The following NPAS3 variants were observed in gnomAD, a reference collection of about 807,000 sequenced individuals.
NPAS3 encodes neuronal PAS domain-containing protein 3.
NPAS3 carries 14 observed loss-of-function variants against 73.1 expected under a neutral mutation model. That is an observed-to-expected ratio of 0.19 (90% CI 0.13 to 0.30). The LOEUF (loss-of-function observed/expected upper bound fraction) is 0.30, where lower values mean the gene tolerates loss of function less well. NPAS3 is among the 10% of genes least tolerant of loss of function. The probability of loss-of-function intolerance (pLI) is 1.00; values close to 1 mark genes in which losing one functional copy is unlikely to be tolerated. For synonymous variants in NPAS3, 620 were observed against 541.5 expected (o/e 1.14, Z -2.01); for missense variants, 1,096 against 1,250.0 (o/e 0.88, Z 1.86).
At chr14:33,292,953 T>C (rs2042159257) in intron 3 of NPAS3, among the ~76,000 whole-genome samples, 1 of 152,182 alleles carries the variant, frequency 6.6e-6, no homozygotes, top group South Asian at 2.1e-4. Context: ...GTATTCAAGT[T>C]GCACAGGTAT....
intron 2 of NPAS3, among the ~76,000 whole-genome samples, chr14:33,152,807 C>T (rs2044499510): frequency 1.3e-5 from 2 of 151,258 alleles, no homozygotes. Context: ...TACTTTCATT[C>T]AATGTGTTGG....
intron 1 of NPAS3, among the ~76,000 whole-genome samples, 184 bp downstream of exon 1, chr14:32,939,550 A>T (rs530594439): frequency 2.6e-3 from 344 of 133,374 alleles, no homozygotes; most frequent in African/African-American, 7.9e-3. Flanking sequence ...TGCGGCAGCG[A>T]GAGGCTCTGG....
At chr14:33,470,481 C>T (rs940262422) in intron 4 of NPAS3, among the ~76,000 whole-genome samples, 1 of 152,022 alleles carries the variant, frequency 6.6e-6, no homozygotes. Flanking sequence ...AATAACTGTC[C>T]AAAGAATCAA....
intron 2 of NPAS3, among the ~76,000 whole-genome samples, chr14:33,099,926 C>T (rs1473289784): frequency 6.6e-6 from 1 of 152,070 alleles, no homozygotes; most frequent in Non-Finnish European, 1.5e-5. Context: ...AAATAATCCA[C>T]TAAAGAAATG....
At chr14:33,751,186 G>A (rs928023549) in intron 7 of NPAS3, among the ~76,000 whole-genome samples, 2 of 152,178 alleles carry the variant, frequency 1.3e-5, no homozygotes, top group Non-Finnish European at 2.9e-5. Context: ...AGTGTTTCAT[G>A]TCAACAAAAT....
intron 7 of NPAS3, among the ~76,000 whole-genome samples, chr14:33,740,069 T>C (rs12880943): frequency 0.093 from 14,206 of 152,256 alleles, 900 homozygotes; most frequent in Middle Eastern, 0.16. Context: ...TTTTCTTACC[T>C]GTAAAATGAA....
intron 5 of NPAS3, among the ~76,000 whole-genome samples, chr14:33,643,328 C>CCAA (rs1279459906): frequency 2.7e-5 from 4 of 145,658 alleles, no homozygotes; most frequent in Non-Finnish European, 4.5e-5. Flanking sequence ...CTGTAAAACA[C>CCAA]CAACACCCCA....
intron 5 of NPAS3, among the ~76,000 whole-genome samples, chr14:33,672,407 C>T (rs1204064081): frequency 6.6e-6 from 1 of 152,148 alleles, no homozygotes; most frequent in East Asian, 1.9e-4. Flanking sequence ...AATATCCGTT[C>T]TTTATTCATT....
intron 4 of NPAS3, among the ~76,000 whole-genome samples, chr14:33,478,343 T>C (rs1229949691): frequency 6.6e-6 from 1 of 152,180 alleles, no homozygotes; most frequent in Non-Finnish European, 1.5e-5. Flanking sequence ...CATAAAATGC[T>C]ACAATGCAGA....
chr14:33,041,762 G>T (rs375238336), intron 1 of NPAS3, among the ~76,000 whole-genome samples: 14 of 152,248 alleles, frequency 9.2e-5, no homozygotes, highest in Non-Finnish European at 1.5e-4. Context: ...AAACTTACAG[G>T]TTTATATAGC....
chr14:33,365,119 G>C (rs1342852807), intron 3 of NPAS3, among the ~76,000 whole-genome samples: 2 of 132,444 alleles, frequency 1.5e-5, no homozygotes, highest in African/African-American at 5.9e-5. Context: ...CCTAATTACT[G>C]TCTCAAAAAC....
intron 5 of NPAS3, among the ~76,000 whole-genome samples, chr14:33,567,082 C>G (rs2055991625): frequency 6.6e-6 from 1 of 152,116 alleles, no homozygotes; most frequent in East Asian, 1.9e-4. Context: ...ATGTGTATGT[C>G]TGTTGATCAG....
intron 2 of NPAS3, among the ~76,000 whole-genome samples, chr14:33,152,777 C>T (rs773200645): frequency 1.3e-5 from 2 of 150,916 alleles, no homozygotes; most frequent in Non-Finnish European, 2.9e-5. Flanking sequence ...CCCACTGATG[C>T]ATGTAATGTG....
chr14:33,536,361 A>G (rs2054261685), intron 4 of NPAS3, among the ~76,000 whole-genome samples: 2 of 152,244 alleles, frequency 1.3e-5, no homozygotes, highest in African/African-American at 4.8e-5. Flanking sequence ...TTTATTTTCT[A>G]TATGGAATAG....
intron 3 of NPAS3, among the ~76,000 whole-genome samples, chr14:33,265,919 T>C (rs1358881541): frequency 6.6e-6 from 1 of 151,722 alleles, no homozygotes; most frequent in Non-Finnish European, 1.5e-5. Context: ...ATAATATATA[T>C]TTATATAAGA....
chr14:33,781,021 T>C (rs2062963028), intron 9 of NPAS3: 2 of 163,782 alleles, frequency 1.2e-5, no homozygotes, highest in African/African-American at 4.8e-5. Context: ...GAAAAACAAA[T>C]AGAATGAGCT....
intron 3 of NPAS3, among the ~76,000 whole-genome samples, chr14:33,231,925 A>T (rs2047866755): frequency 1.3e-5 from 2 of 152,212 alleles, no homozygotes; most frequent in Admixed American, 1.3e-4. Context: ...CTCTGTGCAA[A>T]AAGCAAGAAA....
intron 3 of NPAS3, among the ~76,000 whole-genome samples, chr14:33,300,320 TA>T (rs375927719): frequency 6.2e-4 from 94 of 152,330 alleles, no homozygotes; most frequent in African/African-American, 2.1e-3. Context: ...TTGATGCTTG[TA>T]AGTTGGGCTA....
chr14:33,159,632 C>T (rs1339588147), intron 2 of NPAS3, among the ~76,000 whole-genome samples: 2 of 150,690 alleles, frequency 1.3e-5, no homozygotes, highest in Non-Finnish European at 2.9e-5. Context: ...TGGCTCACCG[C>T]AAACTCCGCC....
Sources: allele counts gnomAD v4.1 joint callset (sites outside exome capture counted in the v4.1 genomes callset), GRCh38; gene constraint gnomAD v4.1.1; transcripts MANE v1.5; gene names NCBI Gene and HGNC (gene_info 2026-07-23, HGNC 2026-07-21).